The following KCNC1 variants were observed in gnomAD, a reference collection of about 807,000 sequenced individuals.
KCNC1 encodes the protein voltage-gated potassium channel KCNC1.
In KCNC1, 8 loss-of-function variants were observed where a neutral mutation model predicts 43.4. The ratio of observed to expected loss-of-function variants is 0.18; its 90% CI spans 0.11 to 0.33. KCNC1 has a LOEUF of 0.33. Among genes scored for constraint, KCNC1 ranks in the 10% least tolerant of loss-of-function variants. The pLI, the probability that KCNC1 is intolerant of heterozygous loss-of-function variation, is 1.00. For missense variants in KCNC1, 420 were observed against 836.0 expected, an observed-to-expected ratio of 0.50 and a Z score of 6.14; for synonymous variants, 361 against 360.5, an observed-to-expected ratio of 1.00 and a Z score of -0.01.
At chr11:17,758,304 G>A (rs79898090) in intron 1 of KCNC1, among the ~76,000 whole-genome samples, 1,846 of 152,266 alleles carry the variant, frequency 0.012, 31 homozygotes, top group African/African-American at 0.034. Context: ...TAGCTCTCTT[G>A]CTATTTTCAT....
chr11:17,755,697 C>T (rs1188611330), intron 1 of KCNC1, among the ~76,000 whole-genome samples: 1 of 152,052 alleles, frequency 6.6e-6, no homozygotes, highest in African/African-American at 2.4e-5. Flanking sequence ...GGGGGTGGCA[C>T]AGGAGTTCAG....
At chr11:17,738,426 T>G (rs1848796110) in intron 1 of KCNC1, among the ~76,000 whole-genome samples, 1 of 152,194 alleles carries the variant, frequency 6.6e-6, no homozygotes, top group African/African-American at 2.4e-5. Flanking sequence ...CAGCCCACAC[T>G]TGACCTTGGG....
chr11:17,735,939 A>C lies in KCNC1; in HGVS notation c.-64A>C. On this transcript the variant is annotated 5_prime_UTR_variant, in exon 1 of 4. Transcript: ENST00000265969. This position sits in a 1 kb window ranked among gnomAD's most constrained non-coding sequence, Gnocchi z 6.7. ...GCGCGCGCCCCCCTCCCCGGCGCCA[A>C]CTCCCCCTGGCGGCCGCTCCCATGG... 1 of 1,377,588 alleles carries C rather than the reference A, an allele frequency of 7.3e-7. No homozygotes were observed. Among genetic ancestry groups the C allele is most frequent in the Non-Finnish European group, 9.3e-7 (1 of 1,074,166 alleles). 85.3% of individuals were successfully genotyped at this position (1,377,588 alleles called of 1,614,324 possible).
chr11:17,779,407 C>T lies in KCNC1; in HGVS notation c.1505-49C>T, dbSNP rs927095758. 24 of 1,408,902 alleles carry T rather than the reference C, an allele frequency of 1.7e-5. No individual in the cohort carries two copies. Among genetic ancestry groups the T allele is most frequent in the East Asian group, 2.8e-5 (1 of 35,878 alleles). The allele number at this position is 1,408,902 out of a possible 1,614,324, so 87.3% of individuals were successfully genotyped here. A position where few individuals can be genotyped will look rare whatever the true frequency, so the allele number is the denominator to read the frequency against. ...TTCTGGCCTGTCCCCCCCTGCCCCC[C>T]ACTAAACAGTTTTCAGTGTCTCAAT... On this transcript the variant is annotated intron_variant, in intron 2 of 3. Coordinates refer to ENST00000265969, the MANE Select transcript of KCNC1 (RefSeq NM_001112741.2). This position sits in a 1 kb window ranked among gnomAD's most constrained non-coding sequence, Gnocchi z 7.2.
chr11:17,769,275 T>A (rs1849194332), intron 1 of KCNC1, among the ~76,000 whole-genome samples: 1 of 152,002 alleles, frequency 6.6e-6, no homozygotes, highest in Non-Finnish European at 1.5e-5. Flanking sequence ...CAGGCAGAAC[T>A]TGGTGCCTTG....
chr11:17,770,184 A>G (rs965333151), intron 1 of KCNC1, among the ~76,000 whole-genome samples: 11 of 152,264 alleles, frequency 7.2e-5, no homozygotes, highest in Admixed American at 7.2e-4. Context: ...TAGGGGCAGC[A>G]TGGCTGCCTC....
rs1491284088 is a variant in KCNC1, at chr11:17,777,746, ACT to A, written c.1505-1709_1505-1708del. The A allele has an allele frequency of 7.1e-6, 7 of 985,904 alleles. No homozygotes were observed. In the East Asian group the frequency reaches 6.8e-4, roughly 96 times the overall value. The allele number at this position is 985,904 out of a possible 1,614,324, so 61.1% of individuals were successfully genotyped here. On this transcript the variant is annotated intron_variant, in intron 2 of 3. Coordinates refer to ENST00000265969, the MANE Select transcript of KCNC1 (RefSeq NM_001112741.2). This position sits in a 1 kb window ranked among gnomAD's most constrained non-coding sequence, Gnocchi z 4.3. ...AATGCTTTGCCATCTTGTACGAAAG[ACT>A]TTTTTTTTAAGTTCCAAAATTATGA...
At chr11:17,737,780 C>G (rs1023637039) in intron 1 of KCNC1, among the ~76,000 whole-genome samples, 2 of 152,224 alleles carry the variant, frequency 1.3e-5, no homozygotes, top group African/African-American at 4.8e-5. Context: ...AGGCAAAGCA[C>G]TGCCTCTGCC....
Position 17,776,736 on chromosome 11 carries a change from TG to T in KCNC1, c.1505-2716del, listed in dbSNP as rs1849292744. 4 of 985,288 alleles carry T rather than the reference TG, an allele frequency of 4.1e-6. No homozygotes were observed. Among genetic ancestry groups the T allele is most frequent in the Non-Finnish European group, 4.8e-6 (4 of 829,908 alleles). 61.0% of individuals were successfully genotyped at this position (985,288 alleles called of 1,614,324 possible). A position where few individuals can be genotyped will look rare whatever the true frequency, so the allele number is the denominator to read the frequency against. On this transcript the variant is annotated intron_variant, in intron 2 of 3. Coordinates refer to ENST00000265969, the MANE Select transcript of KCNC1 (RefSeq NM_001112741.2). This position sits in a 1 kb window ranked among gnomAD's most constrained non-coding sequence, Gnocchi z 4.4. ...CCTAGCCACTATCTCATCCAAAGGA[TG>T]GGGCAGGGGCGGGGGCTCACACCTT...
rs116912320 is a variant in KCNC1, at chr11:17,739,098, C to T, written c.570+2526C>T. On this transcript the variant is annotated intron_variant, in intron 1 of 3. Transcript: ENST00000265969. This position sits in a 1 kb window ranked among gnomAD's most constrained non-coding sequence, Gnocchi z 4.2. ...CATCTGCGCACAGACCAGCCGCCTG[C>T]CCGCCCTCCTCCCCCTCTGTCTTTG... Among the ~76,000 whole-genome samples the T allele has an allele frequency of 0.025, 3,776 of 152,214 alleles. 58 individuals are homozygous for T. The highest frequency in any genetic ancestry group is 0.044 in the Middle Eastern group (13 of 294).
At chr11:17,749,637 C>T (rs1181240011) in intron 1 of KCNC1, among the ~76,000 whole-genome samples, 3 of 152,252 alleles carry the variant, frequency 2.0e-5, no homozygotes, top group Non-Finnish European at 2.9e-5. Flanking sequence ...GTGAGGAACA[C>T]GGCCACCTGC....
At chr11:17,753,701 G>C (rs373828410) in intron 1 of KCNC1, among the ~76,000 whole-genome samples, 1 of 152,194 alleles carries the variant, frequency 6.6e-6, no homozygotes, top group Non-Finnish European at 1.5e-5. Context: ...GCCCCGGCGT[G>C]GGGGGTGGGG....
At chr11:17,743,114 A>G (rs1287831723) in intron 1 of KCNC1, among the ~76,000 whole-genome samples, 1 of 152,190 alleles carries the variant, frequency 6.6e-6, no homozygotes, top group East Asian at 1.9e-4. Context: ...ATCCTCATTT[A>G]TTAATAATTC....
At position 17,773,972 on chromosome 11, in the gene KCNC1, A is replaced by C; in HGVS notation, c.1504+1374A>C. ...TTTGGGTGGCCTCCCCCAGTGGATG[A>C]TTGATTTTCTTCCCTGCTATCGCGC... On this transcript the variant is annotated intron_variant, in intron 2 of 3. Coordinates refer to ENST00000265969, the MANE Select transcript of KCNC1 (RefSeq NM_001112741.2). This position sits in a 1 kb window ranked among gnomAD's most constrained non-coding sequence, Gnocchi z 4.1. 8.1e-6 allele frequency: 8 copies of C among 985,436 alleles called. No individual in the cohort carries two copies. Among genetic ancestry groups the C allele is most frequent in the Non-Finnish European group, 9.6e-6 (8 of 829,974 alleles). The allele number at this position is 985,436 out of a possible 1,614,324, so 61.0% of individuals were successfully genotyped here.
rs2133811828 is a variant in KCNC1, at chr11:17,782,036, C to T, written c.*302C>T. On this transcript the variant is annotated 3_prime_UTR_variant, in exon 4 of 4. Transcript: ENST00000265969. The stretch of plus-strand genomic sequence containing the variant: ...CAGAAAACCCAGCAAACCAAACCCA[C>T]CAACCCCCTGCAACTGTATGATTAC... The T allele has an allele frequency of 2.7e-6, 1 of 372,528 alleles. No homozygotes were observed. The highest frequency in any genetic ancestry group is 4.4e-5 in the East Asian group (1 of 22,642). The allele number at this position is 372,528 out of a possible 1,614,324, so 23.1% of individuals were successfully genotyped here.
At chr11:17,759,143 T>C (rs1849050725) in intron 1 of KCNC1, among the ~76,000 whole-genome samples, 1 of 152,286 alleles carries the variant, frequency 6.6e-6, no homozygotes, top group Non-Finnish European at 1.5e-5. Context: ...CAGCATTTGC[T>C]GCTTCTCCTT....
At chr11:17,767,092 A>T (rs1481459453) in intron 1 of KCNC1, among the ~76,000 whole-genome samples, 3 of 150,894 alleles carry the variant, frequency 2.0e-5, no homozygotes, top group Non-Finnish European at 4.4e-5. Context: ...AGATTGCGCC[A>T]TTGCACTCCA....
chr11:17,750,115 T>A (rs1848949548), intron 1 of KCNC1, among the ~76,000 whole-genome samples: 1 of 152,192 alleles, frequency 6.6e-6, no homozygotes. Flanking sequence ...TGAGCCTCAG[T>A]TTCCTCGTGT....
Position 17,769,105 on chromosome 11 carries a change from G to A in KCNC1, c.571-2560G>A, listed in dbSNP as rs141352616. ...CCTCTACCCTGCCTCTCTCAAGTGC[G>A]CCCACATTACTCTGACCTTTTTCCA... On this transcript the variant is annotated intron_variant, in intron 1 of 3. Transcript: ENST00000265969. 2.9e-4 allele frequency among the ~76,000 whole-genome samples: 44 copies of A among 152,344 alleles called. 1 individual carries two copies. Among genetic ancestry groups the A allele is most frequent in the African/African-American group, 9.9e-4 (41 of 41,574 alleles).
Sources: gnomAD v4.1 joint callset for allele counts (sites outside exome capture counted in the v4.1 genomes callset) on GRCh38, gnomAD v4.1.1 for gene constraint, Gnocchi (gnomAD v3.1) non-coding constraint, MANE v1.5 for transcripts, NCBI Gene and HGNC (gene_info 2026-07-23, HGNC 2026-07-21) for gene names.